Variants in LIG1 observed in about 807,000 individuals in gnomAD.
LIG1 encodes DNA ligase 1.
LIG1 carries 70 observed loss-of-function variants against 115.7 expected under a neutral mutation model. The ratio of observed to expected loss-of-function variants is 0.60; its 90% CI spans 0.50 to 0.74. The LOEUF (loss-of-function observed/expected upper bound fraction) is 0.74. Ranked by LOEUF, LIG1 falls within the 30% of genes least tolerant of loss-of-function variation. The pLI is 0.00. For synonymous variants in LIG1, 487 were observed against 495.3 expected (o/e 0.98, Z 0.22); for missense variants, 1,115 against 1,225.6 (o/e 0.91, Z 1.35).
chr19:48,139,042 A>G lies in LIG1; in HGVS notation c.1087+929T>C, dbSNP rs192787697. Among the ~76,000 whole-genome samples, 537 of 152,274 alleles carry G rather than the reference A, an allele frequency of 3.5e-3. 2 individuals carry two copies. Among genetic ancestry groups the G allele is most frequent in the African/African-American group, 0.012 (516 of 41,556 alleles). ...CTAAATGTTGGTGCCCATGGCCCTA[A>G]GCCAGCTCCAGTGCTCCCAGCACAT... On this transcript the variant is annotated intron_variant, in intron 12 of 27. Transcript: ENST00000263274.
chr19:48,170,141 C>G, intron 1 of LIG1, 100 bp downstream of exon 1: 1 of 446,752 alleles, frequency 2.2e-6, no homozygotes, highest in Non-Finnish European at 4.5e-6. Context: ...CCCACGCCCA[C>G]TCCTCTGCAG....
Position 48,143,877 on chromosome 19 carries a change from C to A in LIG1, c.857+6G>T. 2 of 1,563,710 alleles carry A rather than the reference C, an allele frequency of 1.3e-6. No individual in the cohort carries two copies. The highest frequency in any genetic ancestry group is 1.4e-5 in the African/African-American group (1 of 73,828). Reference sequence around the variant, plus strand: ...GGGGGACAGTCTGAAAAGGGAGAAACCTCACTTCTGGCCCGGTTTCCAGCA... The same window carrying A: ...GGGGGACAGTCTGAAAAGGGAGAAAACTCACTTCTGGCCCGGTTTCCAGCA... On this transcript the variant is annotated splice_donor_region_variant and intron_variant, in intron 10 of 27. Transcript: ENST00000263274.
rs376348228 is a variant in LIG1, at chr19:48,133,113, A to T, written c.1610-16T>A. 1 of 1,523,272 alleles carries T rather than the reference A, an allele frequency of 6.6e-7. No individual in the cohort carries two copies. Among genetic ancestry groups the T allele is most frequent in the Non-Finnish European group, 9.1e-7 (1 of 1,097,300 alleles). 94.4% of individuals were successfully genotyped at this position (1,523,272 alleles called of 1,614,324 possible). A position where few individuals can be genotyped will look rare whatever the true frequency, so the allele number is the denominator to read the frequency against. ...AGGGGAATCCCTGGGAAAGGAGGAG[A>T]GTGAGTTAGAGGAGAGGGAAGGCAA... On this transcript the variant is annotated splice_polypyrimidine_tract_variant and intron_variant, in intron 17 of 27. Transcript: ENST00000263274.
At chr19:48,165,175 CT>C (rs2036409951) in intron 2 of LIG1, among the ~76,000 whole-genome samples, 1 of 152,094 alleles carries the variant, frequency 6.6e-6, no homozygotes, top group Non-Finnish European at 1.5e-5. Context: ...AGGAGAATCA[CT>C]TGAACTCATG....
intron 15 of LIG1, 126 bp downstream of exon 15, chr19:48,135,908 C>CCCCG: frequency 1.1e-6 from 1 of 948,452 alleles, no homozygotes; most frequent in Non-Finnish European, 1.6e-6. Context: ...CCCCCCCACC[C>CCCCG]AGGAGAGAGG....
At chr19:48,121,758 G>A (rs2033296433) in intron 23 of LIG1, among the ~76,000 whole-genome samples, 1 of 152,176 alleles carries the variant, frequency 6.6e-6, no homozygotes, top group African/African-American at 2.4e-5. Context: ...CCAAGATCGT[G>A]CCATTGCACT....
Position 48,149,754 on chromosome 19 carries a change from C to G in LIG1, c.776+9G>C. Reference sequence around the variant, plus strand: ...CGAAGAACCTTTCCAGACCTGGACACTGACTCACCCCTCAGCAGCTCCCTC... The same window carrying G: ...CGAAGAACCTTTCCAGACCTGGACAGTGACTCACCCCTCAGCAGCTCCCTC... On this transcript the variant is annotated intron_variant, in intron 9 of 27. Transcript: ENST00000263274. 6.2e-7 allele frequency: 1 copy of G among 1,611,798 alleles called. No individual in the cohort carries two copies. The highest frequency in any genetic ancestry group is 8.5e-7 in the Non-Finnish European group (1 of 1,177,854).
At chr19:48,149,328 G>C (rs1743476768) in intron 9 of LIG1, among the ~76,000 whole-genome samples, 3 of 152,188 alleles carry the variant, frequency 2.0e-5, no homozygotes, top group Admixed American at 2.0e-4. Flanking sequence ...TTCAGAGCCA[G>C]AGGAACAGAG....
chr19:48,150,509 A>C (rs1018499736), intron 7 of LIG1, among the ~76,000 whole-genome samples: 2 of 152,120 alleles, frequency 1.3e-5, no homozygotes, highest in African/African-American at 4.8e-5. Context: ...AGAAAATCAG[A>C]TACAACTCTG....
In LIG1 at chr19:48,123,290, C is replaced by A. The variant is rs777689854; in HGVS notation, c.2033G>T (p.Arg678Leu). The change falls in exon 22 of 28, where the codon CGC (arginine) becomes CTC (leucine). Residue 678 changes from arginine to leucine, a missense_variant. Coordinates refer to ENST00000263274, the MANE Select transcript of LIG1 (RefSeq NM_000234.3). ...AAAGTTCTCCCGGAGCAGCTGCCGG[C>A]GCCGGGAAAGGGGCTCACGTACCAG... is the stretch of plus-strand genomic sequence containing the variant. ...ESLVREPLSR[R>L]RQLLRENFVE... 2.5e-6 allele frequency: 4 copies of A among 1,613,824 alleles called. No homozygotes were observed. The highest frequency in any genetic ancestry group is 3.4e-6 in the Non-Finnish European group (4 of 1,180,008).
chr19:48,139,726 C>T (rs1469185497), intron 12 of LIG1, among the ~76,000 whole-genome samples: 2 of 152,148 alleles, frequency 1.3e-5, no homozygotes, highest in South Asian at 2.1e-4. Flanking sequence ...CCCAGCCCTC[C>T]CCTTCCCTGC....
intron 19 of LIG1, among the ~76,000 whole-genome samples, chr19:48,130,786 T>C (rs1290828406): frequency 6.6e-6 from 1 of 152,172 alleles, no homozygotes; most frequent in African/African-American, 2.4e-5. Flanking sequence ...GCATTGGCAC[T>C]AAAAGCCAAC....
At chr19:48,133,268 C>T (rs762170890) in intron 17 of LIG1, 171 bp from the exon 18 acceptor site, 28 of 617,156 alleles carry the variant, frequency 4.5e-5, no homozygotes, top group Non-Finnish European at 7.6e-5. Context: ...GGACTACAGC[C>T]CCCGGCCTTC....
At position 48,159,147 on chromosome 19, in the gene LIG1, G is replaced by T. The variant is rs151033958; in HGVS notation, c.244-2007C>A. The stretch of plus-strand genomic sequence containing the variant: ...GGCTGGAGTGCAATGGCACGATCTC[G>T]GCTCACCACAACCTCCATCTCCCAG... On this transcript the variant is annotated intron_variant, in intron 4 of 27. Transcript: ENST00000263274. Among the ~76,000 whole-genome samples, 440 of 150,424 alleles carry T rather than the reference G, an allele frequency of 2.9e-3. 3 individuals are homozygous for T. Among genetic ancestry groups the T allele is most frequent in the African/African-American group, 0.01 (413 of 41,028 alleles).
At position 48,127,290 on chromosome 19, in the gene LIG1, T is replaced by C. The variant is rs1355994186; in HGVS notation, c.1991A>G (p.Tyr664Cys). ...QVCLYAFDLI[Y>C]LNGESLVREP... The stretch of plus-strand genomic sequence containing the variant: ...GCTGGAACTCACCTCTCCATTGAGG[T>C]AGATGAGGTCGAAGGCGTACAAACA... The change falls in exon 21 of 28, where the codon TAC becomes TGC. Residue 664 changes from tyrosine (Y) to cysteine (C), a missense_variant. By Grantham distance (194) the Tyr-to-Cys change is radical. Coordinates refer to ENST00000263274, the MANE Select transcript of LIG1 (RefSeq NM_000234.3). 6.2e-7 allele frequency: 1 copy of C among 1,613,502 alleles called. No homozygotes were observed. Among genetic ancestry groups the C allele is most frequent in the Non-Finnish European group, 8.5e-7 (1 of 1,179,814 alleles).
At chr19:48,139,048 C>T (rs2034572852) in intron 12 of LIG1, among the ~76,000 whole-genome samples, 1 of 152,192 alleles carries the variant, frequency 6.6e-6, no homozygotes, top group Admixed American at 6.5e-5. Context: ...CCTAAGCCAG[C>T]TCCAGTGCTC....
intron 9 of LIG1, among the ~76,000 whole-genome samples, chr19:48,144,923 T>C (rs532332758): frequency 5.4e-4 from 81 of 151,260 alleles, no homozygotes; most frequent in Non-Finnish European, 9.6e-4. Flanking sequence ...CCAACCTCTA[T>C]TTTTTTTTGA....
At chr19:48,144,117 G>A (rs185615274) in intron 9 of LIG1, among the ~76,000 whole-genome samples, 154 bp from the exon 10 acceptor site, 111 of 152,312 alleles carry the variant, frequency 7.3e-4, no homozygotes, top group Admixed American at 2.0e-3. Flanking sequence ...ATTCCAGCAG[G>A]AGAGTCAGAG....
At chr19:48,125,366 T>C (rs1371451411) in intron 21 of LIG1, among the ~76,000 whole-genome samples, 1 of 152,220 alleles carries the variant, frequency 6.6e-6, no homozygotes, top group African/African-American at 2.4e-5. Context: ...AGACTCTGAC[T>C]GTCTTCCTAC....
Sources: allele counts gnomAD v4.1 joint callset (sites outside exome capture counted in the v4.1 genomes callset), GRCh38; gene constraint gnomAD v4.1.1; transcripts MANE v1.5; gene names NCBI Gene and HGNC (gene_info 2026-07-23, HGNC 2026-07-21).